The following CYP2C18 variants were observed in gnomAD, a reference collection of about 807,000 sequenced individuals.
CYP2C18 encodes the protein cytochrome P450 2C18.
CYP2C18 carries 38 observed loss-of-function variants against 41.3 expected under a neutral mutation model. That is an observed-to-expected ratio of 0.92 (90% CI 0.71 to 1.21). CYP2C18 has a LOEUF of 1.21. CYP2C18 is among the 50% of genes most tolerant of loss of function. CYP2C18 has a pLI of 0.00. For synonymous variants in CYP2C18, 236 were observed against 210.0 expected (o/e 1.12, Z -1.07); for missense variants, 635 against 591.4 (o/e 1.07, Z -0.77).
intron 3 of CYP2C18, among the ~76,000 whole-genome samples, chr10:94,693,522 G>A (rs1439782299): frequency 1.3e-5 from 2 of 152,112 alleles, no homozygotes; most frequent in East Asian, 1.9e-4. Flanking sequence ...TGAAGTGAAA[G>A]GAAAGACCAG....
intron 6 of CYP2C18, among the ~76,000 whole-genome samples, chr10:94,723,536 T>C (rs1185644835): frequency 6.6e-6 from 1 of 152,086 alleles, no homozygotes; most frequent in African/African-American, 2.4e-5. Context: ...TCCAAGAATA[T>C]ACAAAAAAGA....
At chr10:94,699,299 T>A (rs1028768692) in intron 4 of CYP2C18, among the ~76,000 whole-genome samples, 4 of 152,170 alleles carry the variant, frequency 2.6e-5, no homozygotes, top group Non-Finnish European at 5.9e-5. Context: ...GTGGGCTTCA[T>A]CCCTGGGATG....
In CYP2C18 at chr10:94,694,930, T is replaced by C. The variant is rs116092201; in HGVS notation, c.495T>C (p.Asp165=). ...ELRKTNASPC[D]PTFILGCAPC... ...CCAATCCTTTAGCCTCACCCTGTGA[T>C]CCCACTTTCATCCTGGGCTGTGCTC... The change falls in exon 4 of 9, where the codon GAT becomes GAC. Residue 165 remains aspartate, a synonymous_variant. Coordinates refer to ENST00000285979, the MANE Select transcript of CYP2C18 (RefSeq NM_000772.3). 1,484 of 1,612,332 alleles carry C rather than the reference T, an allele frequency of 9.2e-4. 10 individuals carry two copies. The African/African-American group carries it at 0.016, about 18-fold the overall frequency.
At chr10:94,686,913 T>A (rs1402439954) in intron 1 of CYP2C18, among the ~76,000 whole-genome samples, 2 of 152,184 alleles carry the variant, frequency 1.3e-5, no homozygotes, top group Non-Finnish European at 2.9e-5. Context: ...GAGAAGTCAG[T>A]CACTGTATAT....
At chr10:94,728,742 T>C in intron 7 of CYP2C18, 1 of 290,796 alleles carries the variant, frequency 3.4e-6, no homozygotes, top group Non-Finnish European at 5.1e-6. Context: ...CTCCTCACTT[T>C]TTTTTTTTTA....
chr10:94,692,185 A>G (rs551947973), intron 3 of CYP2C18, among the ~76,000 whole-genome samples: 1 of 152,322 alleles, frequency 6.6e-6, no homozygotes, highest in East Asian at 1.9e-4. Context: ...GGATCTAATT[A>G]AACTAAAGAG....
At chr10:94,687,745 T>A in intron 1 of CYP2C18, 25 bp from the exon 2 acceptor site, 1 of 1,602,986 alleles carries the variant, frequency 6.2e-7, no homozygotes, top group Non-Finnish European at 8.5e-7. Flanking sequence ...TTTGCTACTA[T>A]TTGAACCTCC....
At chr10:94,702,903 C>T (rs890330557) in intron 4 of CYP2C18, among the ~76,000 whole-genome samples, 4 of 152,114 alleles carry the variant, frequency 2.6e-5, no homozygotes, top group African/African-American at 9.7e-5. Flanking sequence ...TGGTGACCTT[C>T]GGATGGAGTT....
Position 94,709,087 on chromosome 10 carries a change from G to C in CYP2C18, c.819+2127G>C, listed in dbSNP as rs186286786. 1.1e-4 allele frequency among the ~76,000 whole-genome samples: 17 copies of C among 152,194 alleles called. No individual in the cohort carries two copies. The East Asian group carries it at 3.1e-3, about 28-fold the overall frequency. Reference sequence around the variant, plus strand: ...TTTTATTTCTCTTGGGTATATACTTGGCTGCAGAATTGCTGGATTATACAG... The same window carrying C: ...TTTTATTTCTCTTGGGTATATACTTCGCTGCAGAATTGCTGGATTATACAG... On this transcript the variant is annotated intron_variant, in intron 5 of 8. Transcript: ENST00000285979.
At chr10:94,704,632 T>C (rs1847305525) in intron 4 of CYP2C18, among the ~76,000 whole-genome samples, 1 of 152,166 alleles carries the variant, frequency 6.6e-6, no homozygotes, top group Non-Finnish European at 1.5e-5. Context: ...TAGCCTTCAC[T>C]TACTGCTTAA....
intron 5 of CYP2C18, among the ~76,000 whole-genome samples, chr10:94,713,352 C>G (rs1420129795): frequency 6.8e-6 from 1 of 147,624 alleles, no homozygotes; most frequent in Non-Finnish European, 1.5e-5. Flanking sequence ...CCACAATAGT[C>G]CCCCGTGTGT....
At chr10:94,730,798 G>A (rs1371221170) in intron 7 of CYP2C18, among the ~76,000 whole-genome samples, 1 of 151,982 alleles carries the variant, frequency 6.6e-6, no homozygotes, top group Non-Finnish European at 1.5e-5. Flanking sequence ...CTTCCAAAAG[G>A]GCCTCTGGAA....
chr10:94,690,719 CA>C (rs1287762644), intron 3 of CYP2C18, among the ~76,000 whole-genome samples: 1 of 151,838 alleles, frequency 6.6e-6, no homozygotes, highest in Admixed American at 6.6e-5. Flanking sequence ...AGAGACACAA[CA>C]AAAAAAGAGA....
At chr10:94,705,037 C>T (rs1159793227) in intron 4 of CYP2C18, among the ~76,000 whole-genome samples, 2 of 152,126 alleles carry the variant, frequency 1.3e-5, no homozygotes, top group Non-Finnish European at 2.9e-5. Flanking sequence ...CTTCTGTGGT[C>T]CCTCTGTAAA....
intron 5 of CYP2C18, among the ~76,000 whole-genome samples, chr10:94,712,158 AT>A (rs201742942): frequency 0.053 from 7,586 of 142,124 alleles, 236 homozygotes; most frequent in South Asian, 0.12. Context: ...TCTTTTTCCA[AT>A]TTTTTTTTTT....
rs574954210 is a variant in CYP2C18 at position 94,717,889 on chromosome 10, G to A, written c.820-2507G>A. ...ATAGCTTGAAATCAGGTAATGTGATGCCTCCAGCTTTCTTCTTTCTGCTAA... is the reference window on the plus strand; with the variant it reads ...ATAGCTTGAAATCAGGTAATGTGATACCTCCAGCTTTCTTCTTTCTGCTAA... On this transcript the variant is annotated intron_variant, in intron 5 of 8. Transcript: ENST00000285979. Among the ~76,000 whole-genome samples, 11 of 152,100 alleles carry A rather than the reference G, an allele frequency of 7.2e-5. No homozygotes were observed. The East Asian group carries it at 9.7e-4, about 13-fold the overall frequency.
rs546626286 is a variant in CYP2C18 at position 94,699,958 on chromosome 10, C to G, written c.642+4881C>G. Among the ~76,000 whole-genome samples, 4 of 152,302 alleles carry G rather than the reference C, an allele frequency of 2.6e-5. No homozygotes were observed. In the South Asian group the frequency reaches 8.3e-4, roughly 32 times the overall value. ...CCTCTTCAAGGAGAACCAGAAACCA[C>G]TCCTCAATGAAATAAAAGAGGACAC... On this transcript the variant is annotated intron_variant, in intron 4 of 8. Transcript: ENST00000285979.
Position 94,687,850 on chromosome 10 carries a change from G to A in CYP2C18, c.249G>A (p.Val83=), listed in dbSNP as rs949351051. The part of the protein sequence containing the change: ...PIVVLHGYEA[V]KEALIDHGEE... The stretch of plus-strand genomic sequence containing the variant: ...TGGTGTTGCATGGATATGAAGCAGT[G>A]AAGGAGGCCCTGATTGATCATGGAG... The change falls in exon 2 of 9, where the codon GTG becomes GTA. Residue 83 remains valine (V), a synonymous_variant. Transcript: ENST00000285979. 6.2e-7 allele frequency: 1 copy of A among 1,613,878 alleles called. No homozygotes were observed. Among genetic ancestry groups the A allele is most frequent in the Admixed American group, 1.7e-5 (1 of 59,990 alleles).
rs528005218 is a variant in CYP2C18, at chr10:94,701,759, G to T, written c.643-5025G>T. ...CAACTTTCTGTCATCTTGTCCAAGG[G>T]AAAAGCACACTAAGCTGGGAGTGAA... On this transcript the variant is annotated intron_variant, in intron 4 of 8. Coordinates refer to ENST00000285979, the MANE Select transcript of CYP2C18 (RefSeq NM_000772.3). Among the ~76,000 whole-genome samples, 3 of 152,262 alleles carry T rather than the reference G, an allele frequency of 2.0e-5. No homozygotes were observed. In the East Asian group the frequency reaches 5.8e-4, roughly 29 times the overall value.
Sources: allele counts gnomAD v4.1 joint callset (sites outside exome capture counted in the v4.1 genomes callset), GRCh38; gene constraint gnomAD v4.1.1; transcripts MANE v1.5; gene names NCBI Gene and HGNC (gene_info 2026-07-23, HGNC 2026-07-21).